Variants in PRIM1 observed in about 807,000 individuals in gnomAD.
The protein encoded by PRIM1 is DNA primase subunit 1, also known as DNA primase small subunit.
Under a neutral mutation model 60.2 loss-of-function variants are expected in PRIM1, and 38 were observed. The observed-to-expected ratio is 0.63, with a 90% CI of 0.49 to 0.83. The LOEUF is 0.83. Ranked by LOEUF, PRIM1 falls within the 40% of genes least tolerant of loss-of-function variation. PRIM1 has a pLI of 0.00. For missense variants in PRIM1, 388 were observed against 506.2 expected, an observed-to-expected ratio of 0.77 and a Z score of 2.24; for synonymous variants, 158 against 160.2, an observed-to-expected ratio of 0.99 and a Z score of 0.10.
At chr12:56,746,663 C>T (rs1326551799) in intron 4 of PRIM1, 118 bp downstream of exon 4, 12 of 832,572 alleles carry the variant, frequency 1.4e-5, no homozygotes, top group East Asian at 5.7e-5. Flanking sequence ...CACACACACA[C>T]ACACACACAC....
chr12:56,737,763 CG>C (rs1252505486), intron 11 of PRIM1, among the ~76,000 whole-genome samples: 2 of 149,652 alleles, frequency 1.3e-5, no homozygotes, highest in Non-Finnish European at 3.0e-5. Flanking sequence ...CTCCCTCTGC[CG>C]CCCAGGCTGG....
chr12:56,751,049 A>G lies in PRIM1; in HGVS notation c.250T>C (p.Tyr84His). Reference protein sequence around the residue: ...NPYKIDIGAVYSHRPNQHNTV... With the variant: ...NPYKIDIGAVHSHRPNQHNTV... ...AAAAGATTTCTTACTCTGTGAGAAT[A>G]TACTGCGCCTATATCAATCTTGTAT... The change falls in exon 2 of 13, where the codon TAT becomes CAT. Residue 84 changes from tyrosine (Y) to histidine (H), a missense_variant. Around this residue, in one of 3 missense-constraint regions of PRIM1, gnomAD observed 156 missense variants for 175.8 expected, o/e 0.89. Coordinates refer to ENST00000338193, the MANE Select transcript of PRIM1 (RefSeq NM_000946.3). The G allele has an allele frequency of 4.5e-6, 7 of 1,543,890 alleles. No individual in the cohort carries two copies. The highest frequency in any genetic ancestry group is 6.1e-6 in the Non-Finnish European group (7 of 1,146,032).
intron 11 of PRIM1, among the ~76,000 whole-genome samples, chr12:56,735,085 A>C (rs952337133): frequency 6.6e-6 from 1 of 151,868 alleles, no homozygotes; most frequent in African/African-American, 2.4e-5. Flanking sequence ...TGCTGGGATT[A>C]CAGGCGTGAG....
At chr12:56,734,025 G>A in intron 12 of PRIM1, 122 bp downstream of exon 12, 1 of 627,396 alleles carries the variant, frequency 1.6e-6, no homozygotes, top group Non-Finnish European at 2.7e-6. Context: ...AAAACATTAA[G>A]GATAGTAAGA....
intron 2 of PRIM1, among the ~76,000 whole-genome samples, chr12:56,749,164 G>A (rs749982387): frequency 1.6e-4 from 25 of 151,958 alleles, no homozygotes; most frequent in African/African-American, 5.8e-4. Context: ...ATGTGCCACC[G>A]TGCCCGGCTG....
chr12:56,740,347 G>A (rs1953862861), intron 9 of PRIM1, among the ~76,000 whole-genome samples: 1 of 149,390 alleles, frequency 6.7e-6, no homozygotes, highest in Non-Finnish European at 1.5e-5. Flanking sequence ...TATTTACATT[G>A]GCTTGGTTTA....
At chr12:56,733,665 CT>C (rs1953801356) in intron 12 of PRIM1, among the ~76,000 whole-genome samples, 1 of 151,428 alleles carries the variant, frequency 6.6e-6, no homozygotes, top group South Asian at 2.1e-4. Flanking sequence ...TCTCAGCTCA[CT>C]GCAACCTCTG....
intron 9 of PRIM1, 95 bp from the exon 10 acceptor site, chr12:56,739,458 G>C: frequency 2.6e-6 from 2 of 771,858 alleles, no homozygotes; most frequent in Non-Finnish European, 3.9e-6. Flanking sequence ...TTTTATTTAA[G>C]GCTTAGACAA....
chr12:56,736,298 TAAAAAAAAAAAA>T (rs756452647), intron 11 of PRIM1, among the ~76,000 whole-genome samples: 9 of 24,316 alleles, frequency 3.7e-4, no homozygotes, highest in Non-Finnish European at 4.3e-4. Flanking sequence ...ACTCTTTCTC[TAAAAAAAAAAAA>T]AAAAAAAAAA....
intron 5 of PRIM1, among the ~76,000 whole-genome samples, chr12:56,744,408 G>A (rs1258259659): frequency 2.0e-5 from 3 of 151,812 alleles, no homozygotes; most frequent in Admixed American, 6.6e-5. Flanking sequence ...CAGGAGAGTC[G>A]CTTGAACTCG....
chr12:56,752,322 A>G lies in PRIM1; in HGVS notation c.-24T>C, dbSNP rs1448882200. ...ATTGAGCGCGGAACTCGCCACGGTA[A>G]GGATTACCACAGGAATTGGCGGGAA... is the stretch of plus-strand genomic sequence containing the variant. On this transcript the variant is annotated 5_prime_UTR_variant, in exon 1 of 13. Coordinates refer to ENST00000338193, the MANE Select transcript of PRIM1 (RefSeq NM_000946.3). 4 of 1,518,784 alleles carry G rather than the reference A, an allele frequency of 2.6e-6. No individual in the cohort carries two copies. Among genetic ancestry groups the G allele is most frequent in the Non-Finnish European group, 3.6e-6 (4 of 1,116,708 alleles). 94.1% of individuals were successfully genotyped at this position (1,518,784 alleles called of 1,614,324 possible).
At chr12:56,739,468 A>G (rs1408186911) in intron 9 of PRIM1, 105 bp from the exon 10 acceptor site, 2 of 667,318 alleles carry the variant, frequency 3.0e-6, no homozygotes, top group Non-Finnish European at 4.8e-6. Context: ...GGCTTAGACA[A>G]AGGGTTAAAC....
intron 11 of PRIM1, among the ~76,000 whole-genome samples, chr12:56,735,898 G>A (rs1438428674): frequency 6.6e-6 from 1 of 151,406 alleles, no homozygotes; most frequent in South Asian, 2.1e-4. Context: ...TGATCCACCC[G>A]CCTCAGGCTC....
chr12:56,741,003 G>C (rs1338705943), intron 9 of PRIM1, among the ~76,000 whole-genome samples: 2 of 151,918 alleles, frequency 1.3e-5, no homozygotes, highest in Non-Finnish European at 2.9e-5. Flanking sequence ...TTGTACAAAG[G>C]GTGTTTAGAC....
In PRIM1 at chr12:56,739,275, T is replaced by C. The variant is rs756309686; in HGVS notation, c.1052+19A>G. The C allele has an allele frequency of 2.0e-6, 3 of 1,503,656 alleles. No homozygotes were observed. The highest frequency in any genetic ancestry group is 4.0e-5 in the Admixed American group (2 of 50,356). The allele number at this position is 1,503,656 out of a possible 1,614,324, so 93.1% of individuals were successfully genotyped here. ...AACAACAATTACAAACAAGGAGTGA[T>C]CAATGATCTGAAACATACCTTATGG... On this transcript the variant is annotated intron_variant, in intron 10 of 12. Transcript: ENST00000338193.
At chr12:56,744,198 T>TA in intron 5 of PRIM1, 75 bp from the exon 6 acceptor site, 1 of 1,131,472 alleles carries the variant, frequency 8.8e-7, no homozygotes, top group South Asian at 1.4e-5. Flanking sequence ...AACGACATTT[T>TA]AGTCATGATG....
At chr12:56,740,450 C>T (rs932200443) in intron 9 of PRIM1, among the ~76,000 whole-genome samples, 1 of 152,018 alleles carries the variant, frequency 6.6e-6, no homozygotes, top group Non-Finnish European at 1.5e-5. Context: ...ATAATACCCC[C>T]CTAGGATACC....
intron 4 of PRIM1, 119 bp from the exon 5 acceptor site, chr12:56,746,300 C>T: frequency 1.7e-6 from 2 of 1,189,144 alleles, no homozygotes; most frequent in Non-Finnish European, 2.4e-6. Flanking sequence ...CTTTACCCAT[C>T]CTGGTCTCTC....
chr12:56,731,761 A>AGTTCC (rs1246681841), intron 12 of PRIM1, 27 bp from the exon 13 acceptor site: 2 of 1,462,390 alleles, frequency 1.4e-6, no homozygotes. Flanking sequence ...AATATATGGA[A>AGTTCC]GAACAGCAAA....
Sources: allele counts gnomAD v4.1 joint callset (sites outside exome capture counted in the v4.1 genomes callset), GRCh38; gene constraint gnomAD v4.1.1; regional missense constraint gnomAD v4.1.1; transcripts MANE v1.5; gene names NCBI Gene and HGNC (gene_info 2026-07-23, HGNC 2026-07-21).